The following PCDH11X variants were observed in gnomAD, a reference collection of about 807,000 sequenced individuals.
PCDH11X encodes protocadherin 11 X-linked.
A neutral mutation model predicts 53.3 loss-of-function variants in PCDH11X; 18 were observed. The ratio of observed to expected loss-of-function variants is 0.34; its 90% confidence interval spans 0.23 to 0.50. The LOEUF (loss-of-function observed/expected upper bound fraction) is 0.50, where lower values mean the gene tolerates loss of function less well. PCDH11X is among the 20% of genes least tolerant of loss of function. PCDH11X has a pLI of 0.98. For missense variants in PCDH11X, 570 were observed against 1,032.4 expected, an observed-to-expected ratio of 0.55 and a Z score of 6.14; for synonymous variants, 279 against 393.3, an observed-to-expected ratio of 0.71 and a Z score of 3.44.
intron 1 of PCDH11X, among the ~76,000 whole-genome samples, chrX:91,788,775 A>G (rs1265065562): frequency 8.9e-6 from 1 of 111,850 alleles, no homozygotes; most frequent in Non-Finnish European, 1.9e-5. Flanking sequence ...GAAATCAAAT[A>G]GAGAAGAAAG....
chrX:92,583,066 G>A (rs1341552746), intron 10 of PCDH11X, among the ~76,000 whole-genome samples: 3 of 105,824 alleles, frequency 2.8e-5, no homozygotes, highest in African/African-American at 1.0e-4. Flanking sequence ...TAGGTGGAAG[G>A]GACTTGCCTT....
At chrX:92,373,201 A>G (rs1276817560) in intron 8 of PCDH11X, among the ~76,000 whole-genome samples, 1 of 110,582 alleles carries the variant, frequency 9.0e-6, no homozygotes, top group Non-Finnish European at 1.9e-5. Context: ...GGAAATGAAG[A>G]CCCAAAGTCG....
At chrX:91,904,303 T>C (rs1485551025) in intron 6 of PCDH11X, among the ~76,000 whole-genome samples, 1 of 109,792 alleles carries the variant, frequency 9.1e-6, no homozygotes, top group Non-Finnish European at 1.9e-5. Flanking sequence ...GTTTAACATA[T>C]GATGGGGAAT....
intron 10 of PCDH11X, among the ~76,000 whole-genome samples, chrX:92,586,432 A>G (rs1924387785): frequency 9.2e-6 from 1 of 108,565 alleles, no homozygotes; most frequent in African/African-American, 3.4e-5. Context: ...AATTTAACCT[A>G]AAATACAATT....
intron 6 of PCDH11X, among the ~76,000 whole-genome samples, chrX:92,173,254 G>C (rs1301723579): frequency 9.0e-6 from 1 of 111,619 alleles, no homozygotes; most frequent in African/African-American, 3.3e-5. Context: ...ACTTGTCCTT[G>C]AAAACTTGAT....
At chrX:92,489,764 T>A (rs1603344627) in intron 10 of PCDH11X, among the ~76,000 whole-genome samples, 1 of 105,547 alleles carries the variant, frequency 9.5e-6, no homozygotes, top group East Asian at 2.9e-4. Flanking sequence ...TATATATATA[T>A]AAATTTTTAT....
intron 4 of PCDH11X, among the ~76,000 whole-genome samples, chrX:91,828,568 A>G (rs1336896670): frequency 1.8e-5 from 2 of 111,532 alleles, no homozygotes; most frequent in Admixed American, 9.6e-5. Context: ...CAGAAATAAT[A>G]TTAAAATATG....
intron 9 of PCDH11X, among the ~76,000 whole-genome samples, chrX:92,467,752 A>G (rs1028459101): frequency 1.8e-5 from 2 of 111,580 alleles, no homozygotes; most frequent in Non-Finnish European, 3.8e-5. Flanking sequence ...GGTATTATAG[A>G]AAAAGTTTCT....
At position 92,291,882 on chromosome X, in the gene PCDH11X, AG is replaced by A. The variant is rs2068500994; in HGVS notation, c.3144+28740del. Among the ~76,000 whole-genome samples the A allele has an allele frequency of 3.7e-5, 4 of 107,229 alleles. No homozygotes were observed. The South Asian group carries it at 1.6e-3, about 42-fold the overall frequency. 93.1% of individuals were successfully genotyped at this position (107,229 alleles called of 115,157 possible). A position where few individuals can be genotyped will look rare whatever the true frequency, so the allele number is the denominator to read the frequency against. ...GACTCTGTCTCAAAAACAAAAAAAA[AG>A]AGAAAGAAAAAAGAAAAAAAAGCAT... On this transcript the variant is annotated intron_variant, in intron 8 of 10. Coordinates refer to ENST00000682573, the MANE Select transcript of PCDH11X (RefSeq NM_032968.5).
chrX:92,286,269 A>G (rs1301794930), intron 8 of PCDH11X, among the ~76,000 whole-genome samples: 1 of 108,513 alleles, frequency 9.2e-6, no homozygotes, highest in African/African-American at 3.4e-5. Context: ...CTTCTCATCA[A>G]TGAGCCCAGG....
chrX:92,403,109 G>T (rs1010289022), intron 9 of PCDH11X, among the ~76,000 whole-genome samples: 1 of 107,533 alleles, frequency 9.3e-6, no homozygotes, highest in Non-Finnish European at 1.9e-5. Context: ...CAGAACAAAA[G>T]AATACAACGA....
intron 1 of PCDH11X, among the ~76,000 whole-genome samples, chrX:91,791,996 G>A (rs770561526): frequency 9.2e-6 from 1 of 108,717 alleles, no homozygotes; most frequent in South Asian, 4.0e-4. Context: ...CGAGTAGCTG[G>A]GACTACAGGC....
intron 6 of PCDH11X, among the ~76,000 whole-genome samples, chrX:92,200,219 GTGA>G (rs1372971191): frequency 9.0e-6 from 1 of 110,896 alleles, no homozygotes; most frequent in Non-Finnish European, 1.9e-5. Context: ...AAGAACCACA[GTGA>G]AATAGCATCT....
chrX:92,261,766 A>G (rs1411259980), intron 7 of PCDH11X, among the ~76,000 whole-genome samples: 1 of 112,201 alleles, frequency 8.9e-6, no homozygotes, highest in Non-Finnish European at 1.9e-5. Context: ...AAAAATTTTT[A>G]TCTATTATTT....
chrX:92,134,913 G>A (rs1343784063), intron 6 of PCDH11X, among the ~76,000 whole-genome samples: 2 of 110,216 alleles, frequency 1.8e-5, no homozygotes, highest in African/African-American at 6.6e-5. Flanking sequence ...TGTATTTTGT[G>A]CCCACTTCCT....
chrX:92,396,396 G>T (rs1262852980), intron 9 of PCDH11X, among the ~76,000 whole-genome samples: 1 of 95,683 alleles, frequency 1.0e-5, no homozygotes, highest in Non-Finnish European at 2.1e-5. Flanking sequence ...ACAAGGAATT[G>T]ATATTCATAG....
chrX:92,432,395 A>G (rs1037101506), intron 9 of PCDH11X, among the ~76,000 whole-genome samples: 15 of 110,100 alleles, frequency 1.4e-4, no homozygotes, highest in African/African-American at 4.9e-4. Context: ...TTAAAGTTTT[A>G]TTCTCCAGCG....
At chrX:92,411,646 A>G (rs2071651045) in intron 9 of PCDH11X, among the ~76,000 whole-genome samples, 1 of 108,879 alleles carries the variant, frequency 9.2e-6, no homozygotes, top group Non-Finnish European at 1.9e-5. Context: ...TCCGTGGTGT[A>G]TAAGTGCCAT....
intron 10 of PCDH11X, among the ~76,000 whole-genome samples, chrX:92,535,811 C>A (rs1422074450): frequency 9.0e-6 from 1 of 111,453 alleles, no homozygotes; most frequent in African/African-American, 3.3e-5. Flanking sequence ...ATGTAATGAT[C>A]TTAGATTCAC....
Sources: allele counts gnomAD v4.1 joint callset (sites outside exome capture counted in the v4.1 genomes callset), GRCh38; gene constraint gnomAD v4.1.1; transcripts MANE v1.5; gene names NCBI Gene and HGNC (gene_info 2026-07-23, HGNC 2026-07-21).